Variants in RAN observed in about 807,000 individuals in gnomAD.
The protein encoded by RAN is GTP-binding nuclear protein Ran.
Under a neutral mutation model 26.8 loss-of-function variants are expected in RAN, and 2 were observed. The observed-to-expected ratio is 0.07, with a 90% CI of 0.03 to 0.23. The LOEUF (loss-of-function observed/expected upper bound fraction) is 0.23, where lower values mean the gene tolerates loss of function less well. Among genes scored for constraint, RAN ranks in the 10% least tolerant of loss-of-function variants. The probability of loss-of-function intolerance (pLI) is 1.00; values close to 1 mark genes in which losing one functional copy is unlikely to be tolerated. For synonymous variants in RAN, 132 were observed against 95.9 expected, an observed-to-expected ratio of 1.38 and a Z score of -2.20; for missense variants, 56 against 264.8, an observed-to-expected ratio of 0.21 and a Z score of 5.47.
intron 1 of RAN, 123 bp from the exon 2 acceptor site, chr12:130,872,461 C>T (rs1953154080): frequency 1.3e-5 from 7 of 551,736 alleles, no homozygotes; most frequent in African/African-American, 2.0e-5. Context: ...GGCCTGGCCG[C>T]CATGGCGCCG....
In RAN at chr12:130,874,530, A is replaced by C; in HGVS notation, c.248-16A>C. Reference sequence around the variant, plus strand: ...CAGTAAACTGAGTGTACTAATTCCCACAAATGTTTCTTCAGCCCAGTGTGC... The same window carrying C: ...CAGTAAACTGAGTGTACTAATTCCCCCAAATGTTTCTTCAGCCCAGTGTGC... On this transcript the variant is annotated splice_polypyrimidine_tract_variant and intron_variant, in intron 4 of 6. Coordinates refer to ENST00000543796, the MANE Select transcript of RAN (RefSeq NM_006325.5). The C allele has an allele frequency of 6.5e-7, 1 of 1,546,774 alleles. No individual in the cohort carries two copies. The highest frequency in any genetic ancestry group is 8.9e-7 in the Non-Finnish European group (1 of 1,126,182).
chr12:130,875,443 C>G (rs1002147428), intron 5 of RAN, among the ~76,000 whole-genome samples, 169 bp from the exon 6 acceptor site: 2 of 152,002 alleles, frequency 1.3e-5, no homozygotes, highest in Non-Finnish European at 2.9e-5. Flanking sequence ...TGATCGTGTA[C>G]TATTGGCCTC....
intron 4 of RAN, chr12:130,873,459 T>C: frequency 3.5e-6 from 1 of 284,546 alleles, no homozygotes; most frequent in Non-Finnish European, 6.8e-6. Flanking sequence ...GGTGTGGTGA[T>C]CAATGAATGT....
chr12:130,874,494 C>T, intron 4 of RAN, 52 bp from the exon 5 acceptor site: 2 of 1,408,776 alleles, frequency 1.4e-6, no homozygotes, highest in Non-Finnish European at 2.0e-6. Context: ...TCTTAGCATT[C>T]TTCACTTGTG....
chr12:130,875,434 G>A (rs1953221385), intron 5 of RAN, among the ~76,000 whole-genome samples, 178 bp from the exon 6 acceptor site: 1 of 151,314 alleles, frequency 6.6e-6, no homozygotes, highest in Non-Finnish European at 1.5e-5. Flanking sequence ...GCCCAGGCCT[G>A]ATCGTGTACT....
At chr12:130,872,181 C>G in intron 1 of RAN, 55 bp downstream of exon 1, 1 of 168,824 alleles carries the variant, frequency 5.9e-6, no homozygotes, top group Non-Finnish European at 1.3e-5. Flanking sequence ...GTGGCGGCGG[C>G]GGGATAGGGG....
In RAN at chr12:130,875,597, C is replaced by G. The variant is rs758978272; in HGVS notation, c.436-15C>G. 6.5e-7 allele frequency: 1 copy of G among 1,538,268 alleles called. No homozygotes were observed. The highest frequency in any genetic ancestry group is 8.8e-7 in the Non-Finnish European group (1 of 1,142,328). On this transcript the variant is annotated splice_polypyrimidine_tract_variant and intron_variant, in intron 5 of 6. Transcript: ENST00000543796. ...AATGAATTTTAAAAAGTAATTTTACCTTTCTTTTAAACAGTACTACGACAT... is the reference window on the plus strand; with the variant it reads ...AATGAATTTTAAAAAGTAATTTTACGTTTCTTTTAAACAGTACTACGACAT...
chr12:130,874,036 A>C, intron 4 of RAN: 1 of 388,202 alleles, frequency 2.6e-6, no homozygotes, highest in Non-Finnish European at 5.2e-6. Flanking sequence ...TTTTGTAGAG[A>C]TGGGGATTCA....
In RAN at chr12:130,872,568, T is replaced by TCCTCTGCCTCCGC; in HGVS notation, c.-10-15_-10-3dup. On this transcript the variant is annotated splice_polypyrimidine_tract_variant and intron_variant, in intron 1 of 6. Coordinates refer to ENST00000543796, the MANE Select transcript of RAN (RefSeq NM_006325.5). ...GGGGCCGCGCGAGCGCTCGCCTCCGTCCTCTGCCTCCGCAGGAACGCCGCG... is the reference window on the plus strand; with the variant it reads ...GGGGCCGCGCGAGCGCTCGCCTCCGTCCTCTGCCTCCGCCCTCTGCCTCCGCAGGAACGCCGCG... 1 of 1,498,048 alleles carries TCCTCTGCCTCCGC rather than the reference T, an allele frequency of 6.7e-7. No individual in the cohort carries two copies. The highest frequency in any genetic ancestry group is 8.9e-7 in the Non-Finnish European group (1 of 1,129,312). 92.8% of individuals were successfully genotyped at this position (1,498,048 alleles called of 1,614,324 possible).
At chr12:130,874,405 A>T in intron 4 of RAN, 141 bp from the exon 5 acceptor site, 1 of 609,710 alleles carries the variant, frequency 1.6e-6, no homozygotes, top group East Asian at 2.9e-5. Context: ...GAATTGACAG[A>T]GACCTTGAAA....
Position 130,875,607 on chromosome 12 carries a change from A to C in RAN, c.436-5A>C. 1 of 1,570,688 alleles carries C rather than the reference A, an allele frequency of 6.4e-7. No homozygotes were observed. Among genetic ancestry groups the C allele is most frequent in the Non-Finnish European group, 8.6e-7 (1 of 1,162,246 alleles). ...AAAAAGTAATTTTACCTTTCTTTTA[A>C]ACAGTACTACGACATTTCTGCCAAA... On this transcript the variant is annotated splice_polypyrimidine_tract_variant and splice_region_variant and intron_variant, in intron 5 of 6. Transcript: ENST00000543796.
intron 4 of RAN, chr12:130,874,116 T>C: frequency 3.8e-6 from 1 of 266,162 alleles, no homozygotes; most frequent in South Asian, 3.2e-5. Context: ...CTCAAAGTGC[T>C]GGGATTACAG....
rs1158606774 is a variant in RAN at position 130,877,600 on chromosome 12, CGTG to C, written c.*1678_*1680del. On this transcript the variant is annotated 3_prime_UTR_variant, in exon 7 of 7. Transcript: ENST00000543796. ...GAAGTGACGTCACTTACCTGTCTAA[CGTG>C]GTGTGGGAGAGAATTTACAAGTCCT... The C allele has an allele frequency of 5.3e-5, 8 of 152,130 alleles. No homozygotes were observed. The highest frequency in any genetic ancestry group is 3.9e-4 in the Admixed American group (6 of 15,272). 9.4% of individuals were successfully genotyped at this position (152,130 alleles called of 1,614,324 possible).
intron 4 of RAN, chr12:130,873,398 C>T: frequency 2.7e-6 from 1 of 365,062 alleles, no homozygotes; most frequent in South Asian, 2.7e-5. Flanking sequence ...CAATAATAGG[C>T]TGTTAACAGC....
In RAN at chr12:130,872,778, C is replaced by G. The variant is rs372418011; in HGVS notation, c.37-58C>G. On this transcript the variant is annotated intron_variant, in intron 2 of 6. Coordinates refer to ENST00000543796, the MANE Select transcript of RAN (RefSeq NM_006325.5). ...CTGTGGTGGTTAAAGTTCCGTGACT[C>G]TGGGATCTTGAGAGGTGAAGTGTTT... 20 of 1,598,896 alleles carry G rather than the reference C, an allele frequency of 1.3e-5. No individual in the cohort carries two copies. In the East Asian group the frequency reaches 2.2e-4, roughly 18 times the overall value.
At position 130,876,339 on chromosome 12, in the gene RAN, G is replaced by T; in HGVS notation, c.*413G>T. On this transcript the variant is annotated 3_prime_UTR_variant, in exon 7 of 7. Transcript: ENST00000543796. ...ATTTGGAAACCACTAAAGTAGGGAA[G>T]TTTTATGCCATGTTAATATTTGAAT... 1 of 170,932 alleles carries T rather than the reference G, an allele frequency of 5.9e-6. No homozygotes were observed. The highest frequency in any genetic ancestry group is 1.7e-4 in the East Asian group (1 of 5,852). 10.6% of individuals were successfully genotyped at this position (170,932 alleles called of 1,614,324 possible). A position where few individuals can be genotyped will look rare whatever the true frequency, so the allele number is the denominator to read the frequency against.
chr12:130,872,954 G>A (rs906422023), intron 3 of RAN, 34 bp downstream of exon 3: 2 of 1,614,110 alleles, frequency 1.2e-6, no homozygotes, highest in African/African-American at 2.7e-5. Context: ...GTGGAAATAT[G>A]TGAGAAATGG....
At chr12:130,874,883 C>CG (rs1441414088) in intron 5 of RAN, 150 bp downstream of exon 5, 20 of 713,306 alleles carry the variant, frequency 2.8e-5, no homozygotes, top group Non-Finnish European at 3.7e-5. Context: ...AGTGCAGTGT[C>CG]GCAATCTTGG....
intron 1 of RAN, 34 bp downstream of exon 1, chr12:130,872,160 C>A: frequency 5.1e-6 from 1 of 194,808 alleles, no homozygotes; most frequent in Non-Finnish European, 1.1e-5. Flanking sequence ...CACGGCCGGG[C>A]GGGGACAGGG....
Sources: gnomAD v4.1 joint callset for allele counts (sites outside exome capture counted in the v4.1 genomes callset) on GRCh38, gnomAD v4.1.1 for gene constraint, MANE v1.5 for transcripts, NCBI Gene and HGNC (gene_info 2026-07-23, HGNC 2026-07-21) for gene names.